The following SMYD3 variants were observed in gnomAD, a reference collection of about 807,000 sequenced individuals.
SMYD3 encodes the protein SET and MYND domain containing 3, also known as histone-lysine N-methyltransferase SMYD3.
In SMYD3, 36 loss-of-function variants were observed where a neutral mutation model predicts 57.7. That is an observed-to-expected ratio of 0.62 (90% CI 0.48 to 0.82). The LOEUF is 0.82. Among genes scored for constraint, SMYD3 ranks in the 40% least tolerant of loss-of-function variants. SMYD3 has a pLI of 0.00. For synonymous variants in SMYD3, 211 were observed against 195.0 expected, an observed-to-expected ratio of 1.08 and a Z score of -0.68; for missense variants, 515 against 538.8, an observed-to-expected ratio of 0.96 and a Z score of 0.44.
intron 7 of SMYD3, among the ~76,000 whole-genome samples, chr1:245,923,526 C>T (rs1440989113): frequency 6.6e-6 from 1 of 152,110 alleles, no homozygotes; most frequent in African/African-American, 2.4e-5. Context: ...ATTCTTTCGT[C>T]GTCTATTGAT....
chr1:246,097,919 C>G (rs1424948876), intron 5 of SMYD3, among the ~76,000 whole-genome samples: 1 of 152,146 alleles, frequency 6.6e-6, no homozygotes, highest in African/African-American at 2.4e-5. Flanking sequence ...AGTTTAGTTT[C>G]AATTATATTT....
chr1:245,749,775 G>T, intron 11 of SMYD3, 111 bp from the exon 12 acceptor site: 1 of 752,012 alleles, frequency 1.3e-6, no homozygotes, highest in South Asian at 1.6e-5. Flanking sequence ...AGGTTTACAG[G>T]GTGAACAGTC....
intron 10 of SMYD3, among the ~76,000 whole-genome samples, chr1:245,812,701 C>CAAAAAAAAAAAAA (rs10636374): frequency 1.5e-5 from 2 of 130,954 alleles, no homozygotes; most frequent in Non-Finnish European, 1.6e-5. Context: ...ACAACAGTTC[C>CAAAAAAAAAAAAA]AAAAAAAAAA....
intron 5 of SMYD3, among the ~76,000 whole-genome samples, chr1:246,174,350 C>T (rs1447693295): frequency 2.0e-5 from 3 of 152,108 alleles, no homozygotes; most frequent in African/African-American, 4.8e-5. Flanking sequence ...GAAAGTTCCC[C>T]GCTCTATTAT....
intron 5 of SMYD3, among the ~76,000 whole-genome samples, chr1:246,085,974 AAAG>A (rs2060715362): frequency 6.6e-6 from 1 of 151,842 alleles, no homozygotes; most frequent in Non-Finnish European, 1.5e-5. Context: ...AACAGTAGAA[AAAG>A]AATAATTAGT....
intron 5 of SMYD3, among the ~76,000 whole-genome samples, chr1:246,045,169 A>G (rs939181140): frequency 8.5e-5 from 13 of 152,180 alleles, no homozygotes; most frequent in African/African-American, 2.2e-4. Context: ...AGCCCGCATC[A>G]CCAAGTCAAT....
chr1:246,135,933 G>A (rs185804324), intron 5 of SMYD3, among the ~76,000 whole-genome samples: 284 of 152,106 alleles, frequency 1.9e-3, no homozygotes, highest in African/African-American at 6.1e-3. Context: ...TCAAGTGTAA[G>A]GCTTTCCAAA....
intron 5 of SMYD3, among the ~76,000 whole-genome samples, chr1:246,101,302 AT>A (rs1390681746): frequency 6.6e-6 from 1 of 152,142 alleles, no homozygotes; most frequent in African/African-American, 2.4e-5. Context: ...AAAGTATCAC[AT>A]TCATGTCAAT....
intron 11 of SMYD3, among the ~76,000 whole-genome samples, chr1:245,750,598 T>G (rs2045302189): frequency 6.6e-6 from 1 of 152,182 alleles, no homozygotes; most frequent in African/African-American, 2.4e-5. Flanking sequence ...TGCAATAATT[T>G]TGCCGTTGTT....
intron 5 of SMYD3, among the ~76,000 whole-genome samples, chr1:246,197,491 A>G (rs1434072400): frequency 5.9e-5 from 9 of 152,186 alleles, no homozygotes; most frequent in African/African-American, 2.2e-4. Flanking sequence ...ATGAAAAAAA[A>G]TTCAGACAGG....
intron 10 of SMYD3, among the ~76,000 whole-genome samples, chr1:245,820,258 T>G (rs2049086215): frequency 6.6e-6 from 1 of 151,560 alleles, no homozygotes; most frequent in South Asian, 2.1e-4. Flanking sequence ...AATCAATAAA[T>G]GTAATCCAGC....
At chr1:245,807,828 CA>C (rs965204973) in intron 10 of SMYD3, among the ~76,000 whole-genome samples, 48 of 136,182 alleles carry the variant, frequency 3.5e-4, no homozygotes, top group African/African-American at 1.3e-3. Context: ...AAAAAAAAAA[CA>C]AAAAACAAAA....
chr1:246,138,449 G>A lies in SMYD3; in HGVS notation c.531+188752C>T, dbSNP rs112904947. On this transcript the variant is annotated intron_variant, in intron 5 of 11. Transcript: ENST00000490107. ...TATTTATTTATTTTTTTTCTGAGACGGAGTCTCGCTCTGTCGCCCAGGCTG... is the reference window on the plus strand; with the variant it reads ...TATTTATTTATTTTTTTTCTGAGACAGAGTCTCGCTCTGTCGCCCAGGCTG... Among the ~76,000 whole-genome samples the A allele has an allele frequency of 7.7e-3, 1,136 of 146,976 alleles. 20 individuals carry two copies. Among genetic ancestry groups the A allele is most frequent in the African/African-American group, 0.026 (1,057 of 40,734 alleles).
At chr1:246,119,594 G>A (rs2061394860) in intron 5 of SMYD3, among the ~76,000 whole-genome samples, 1 of 151,786 alleles carries the variant, frequency 6.6e-6, no homozygotes, top group Admixed American at 6.6e-5. Context: ...TATATTGTTA[G>A]TAGAGACGGG....
chr1:245,937,458 CTCT>C (rs1206187894), intron 5 of SMYD3, among the ~76,000 whole-genome samples: 2 of 152,230 alleles, frequency 1.3e-5, no homozygotes, highest in Admixed American at 1.3e-4. Context: ...TTCCCTGAGG[CTCT>C]TACCTGGCAT....
At chr1:246,083,584 G>A (rs917744009) in intron 5 of SMYD3, among the ~76,000 whole-genome samples, 1 of 151,946 alleles carries the variant, frequency 6.6e-6, no homozygotes, top group African/African-American at 2.4e-5. Flanking sequence ...CAAGTCTCTC[G>A]TTCCACCCAA....
In SMYD3 at chr1:246,220,652, G is replaced by A. The variant is rs147427096; in HGVS notation, c.531+106549C>T. ...GCAGGAGGCAGGCAGGTTCCTGGGC[G>A]GATGGGGCCTGGTCACCAGTGAGGC... is the stretch of plus-strand genomic sequence containing the variant. On this transcript the variant is annotated intron_variant, in intron 5 of 11. Transcript: ENST00000490107. Among the ~76,000 whole-genome samples, 805 of 152,324 alleles carry A rather than the reference G, an allele frequency of 5.3e-3. 4 individuals are homozygous for A. The highest frequency in any genetic ancestry group is 7.5e-3 in the Non-Finnish European group (512 of 68,034).
chr1:246,221,996 G>A (rs1159384955), intron 5 of SMYD3, among the ~76,000 whole-genome samples: 1 of 152,144 alleles, frequency 6.6e-6, no homozygotes, highest in Non-Finnish European at 1.5e-5. Flanking sequence ...GGTTGAATCT[G>A]CTATTTTGAC....
At chr1:245,814,368 G>A in intron 10 of SMYD3, 2 of 984,890 alleles carry the variant, frequency 2.0e-6, no homozygotes, top group Non-Finnish European at 2.4e-6. Context: ...AATCAGGACA[G>A]ATAGAGCTCA....
Sources: allele counts gnomAD v4.1 joint callset (sites outside exome capture counted in the v4.1 genomes callset), GRCh38; gene constraint gnomAD v4.1.1; transcripts MANE v1.5; gene names NCBI Gene and HGNC (gene_info 2026-07-23, HGNC 2026-07-21).